The following DMD variants were observed in gnomAD, a reference collection of about 807,000 sequenced individuals.
The protein encoded by DMD is mutant dystrophin.
A neutral mutation model predicts 330.1 loss-of-function variants in DMD; 63 were observed. That is an observed-to-expected ratio of 0.19 (90% CI 0.16 to 0.24). The LOEUF is 0.24. DMD is among the 10% of genes least tolerant of loss of function. The probability of loss-of-function intolerance (pLI) is 1.00; values close to 1 mark genes in which losing one functional copy is unlikely to be tolerated. For missense variants in DMD, 3,344 were observed against 2,684.1 expected, an observed-to-expected ratio of 1.25 and a Z score of -5.43; for synonymous variants, 1,223 against 959.8, an observed-to-expected ratio of 1.27 and a Z score of -5.07.
intron 7 of DMD, among the ~76,000 whole-genome samples, chrX:32,715,031 T>TA (rs1482143918): frequency 1.8e-5 from 2 of 111,734 alleles, no homozygotes; most frequent in Non-Finnish European, 3.8e-5. Context: ...TCATGTTTTA[T>TA]ATTAGATCTT....
chrX:32,889,654 G>T (rs1569539584), intron 2 of DMD, among the ~76,000 whole-genome samples: 3 of 110,883 alleles, frequency 2.7e-5, no homozygotes, highest in East Asian at 2.8e-4. Context: ...CCTTAAGAAG[G>T]TTCTTTGTCA....
chrX:32,869,979 A>T (rs1476704143), intron 2 of DMD, among the ~76,000 whole-genome samples: 1 of 110,790 alleles, frequency 9.0e-6, no homozygotes, highest in Admixed American at 9.7e-5. Context: ...ATCAGGCAAG[A>T]GAAAGAAATC....
intron 1 of DMD, among the ~76,000 whole-genome samples, chrX:33,025,621 C>T (rs1006728653): frequency 1.8e-5 from 2 of 112,312 alleles, no homozygotes; most frequent in Middle Eastern, 4.6e-3. Context: ...GGAACCATCA[C>T]AGCTCACTGT....
chrX:32,165,503 C>A (rs1230676105), intron 44 of DMD, among the ~76,000 whole-genome samples: 3 of 112,530 alleles, frequency 2.7e-5, no homozygotes, highest in Non-Finnish European at 5.6e-5. Context: ...CCTGTGCTTC[C>A]ATTTTATCTA....
intron 76 of DMD, 67 bp downstream of exon 76, chrX:31,146,224 C>T (rs371742990): frequency 4.4e-6 from 5 of 1,148,750 alleles, no homozygotes; most frequent in Non-Finnish European, 6.0e-6. Flanking sequence ...GCCAAATATT[C>T]ATGTCCCTGT....
At chrX:32,399,070 AT>A (rs1187323229) in intron 30 of DMD, among the ~76,000 whole-genome samples, 1 of 112,268 alleles carries the variant, frequency 8.9e-6, no homozygotes. Context: ...CTTGAACCGT[AT>A]ACAGAAATCA....
intron 18 of DMD, among the ~76,000 whole-genome samples, chrX:32,513,340 C>A (rs1026043792): frequency 1.8e-5 from 2 of 112,037 alleles, no homozygotes; most frequent in Non-Finnish European, 3.8e-5. Context: ...TTAATATGTT[C>A]GCTTTGGCAG....
intron 25 of DMD, among the ~76,000 whole-genome samples, chrX:32,459,386 G>A (rs1462658578): frequency 9.0e-6 from 1 of 111,010 alleles, no homozygotes; most frequent in South Asian, 3.8e-4. Flanking sequence ...AAGAGTTTAC[G>A]AATTATCCAA....
intron 59 of DMD, among the ~76,000 whole-genome samples, chrX:31,456,972 A>G (rs1196897913): frequency 9.3e-6 from 1 of 107,982 alleles, no homozygotes; most frequent in Non-Finnish European, 1.9e-5. Context: ...TTAATGGGTC[A>G]TTAAAAAAAA....
intron 44 of DMD, among the ~76,000 whole-genome samples, chrX:32,142,064 G>A (rs1317511233): frequency 1.8e-5 from 2 of 111,105 alleles, no homozygotes; most frequent in South Asian, 3.8e-4. Flanking sequence ...CAAAAACAAG[G>A]CAGGAAACAG....
intron 19 of DMD, among the ~76,000 whole-genome samples, chrX:32,500,025 T>G (rs892357742): frequency 9.0e-6 from 1 of 110,726 alleles, no homozygotes; most frequent in African/African-American, 3.3e-5. Flanking sequence ...GGCCCAAACT[T>G]GAGCCTAATG....
chrX:31,895,516 G>A (rs1166108266), intron 47 of DMD, among the ~76,000 whole-genome samples: 3 of 111,796 alleles, frequency 2.7e-5, no homozygotes, highest in Admixed American at 1.9e-4. Context: ...GTTATGACTG[G>A]AATGTGGAAG....
At chrX:32,017,080 G>T (rs1391189714) in intron 44 of DMD, among the ~76,000 whole-genome samples, 1 of 111,756 alleles carries the variant, frequency 8.9e-6, no homozygotes, top group African/African-American at 3.3e-5. Flanking sequence ...TTTTGGAAAC[G>T]GCTTTGTTTG....
At chrX:32,714,317 C>A (rs1051821471) in intron 7 of DMD, among the ~76,000 whole-genome samples, 4 of 111,166 alleles carry the variant, frequency 3.6e-5, no homozygotes, top group African/African-American at 1.3e-4. Context: ...TCTCTCACCC[C>A]CTTCCCACTC....
At chrX:31,333,862 G>GT (rs1219526197) in intron 61 of DMD, among the ~76,000 whole-genome samples, 1 of 110,824 alleles carries the variant, frequency 9.0e-6, no homozygotes, top group African/African-American at 3.3e-5. Context: ...TTATACATAC[G>GT]TAAGAAATCC....
At chrX:31,133,185 G>A (rs1045747400) in intron 77 of DMD, among the ~76,000 whole-genome samples, 1 of 111,833 alleles carries the variant, frequency 8.9e-6, no homozygotes, top group East Asian at 2.8e-4. Context: ...CCTGCTGCCC[G>A]TCCCTCCCAG....
chrX:31,896,580 T>C (rs907706292), intron 47 of DMD, among the ~76,000 whole-genome samples: 1 of 111,826 alleles, frequency 8.9e-6, no homozygotes, highest in Admixed American at 9.5e-5. Flanking sequence ...GTTATATTCT[T>C]TGACTTAAAG....
chrX:32,893,987 G>A (rs1317379008), intron 2 of DMD, among the ~76,000 whole-genome samples: 1 of 110,642 alleles, frequency 9.0e-6, no homozygotes, highest in East Asian at 2.9e-4. Flanking sequence ...TGTGCCTCTG[G>A]ACGTGACACA....
At chrX:32,653,197 C>T (rs2060296557) in intron 9 of DMD, among the ~76,000 whole-genome samples, 2 of 111,948 alleles carry the variant, frequency 1.8e-5, no homozygotes. Flanking sequence ...CTCTTGTTGC[C>T]ATTGCTTTTG....
Sources: gnomAD v4.1 joint callset for allele counts (sites outside exome capture counted in the v4.1 genomes callset) on GRCh38, gnomAD v4.1.1 for gene constraint, MANE v1.5 for transcripts, NCBI Gene and HGNC (gene_info 2026-07-23, HGNC 2026-07-21) for gene names.